Variants in GPRC5C observed in about 807,000 individuals in gnomAD.
GPRC5C encodes the protein G protein-coupled receptor family C group 5 member C.
In GPRC5C, 22 loss-of-function variants were observed where a neutral mutation model predicts 31.4. That is an observed-to-expected ratio of 0.70 (90% CI 0.50 to 1.00). The LOEUF (loss-of-function observed/expected upper bound fraction) is 1.00. Among genes scored for constraint, GPRC5C ranks in the 50% least tolerant of loss-of-function variants. The probability of loss-of-function intolerance (pLI) is 0.00; values close to 1 mark genes in which losing one functional copy is unlikely to be tolerated. For missense variants in GPRC5C, 557 were observed against 597.2 expected, an observed-to-expected ratio of 0.93 and a Z score of 0.70; for synonymous variants, 249 against 257.5, an observed-to-expected ratio of 0.97 and a Z score of 0.32.
In GPRC5C at chr17:74,443,805, C is replaced by T. The variant is rs115288232; in HGVS notation, c.1052-13C>T. The T allele has an allele frequency of 9.0e-4, 1,435 of 1,591,930 alleles. 13 individuals carry two copies. The African/African-American group carries it at 0.017, about 19-fold the overall frequency. On this transcript the variant is annotated splice_polypyrimidine_tract_variant and intron_variant, in intron 2 of 3. Coordinates refer to ENST00000392627, the MANE Select transcript of GPRC5C (RefSeq NM_022036.4). The stretch of plus-strand genomic sequence containing the variant: ...CCCTGGGATCTTCAAACTGTTCCTG[C>T]TTTTCCTTGTAGCTAAGAGGCCGGT...
At position 74,437,897 on chromosome 17, in the gene GPRC5C, A is replaced by G. The variant is rs905967843; in HGVS notation, c.-32-1848A>G. ...GAAAGCTTGGTTGCTGTTTTCCCAG[A>G]GAGTTCCTGATGAAGCTGGGTTACA... is the stretch of plus-strand genomic sequence containing the variant. On this transcript the variant is annotated intron_variant, in intron 1 of 3. Transcript: ENST00000392627. Among the ~76,000 whole-genome samples the G allele has an allele frequency of 9.2e-5, 14 of 151,998 alleles. No homozygotes were observed. In the East Asian group the frequency reaches 2.7e-3, roughly 30 times the overall value.
intron 1 of GPRC5C, among the ~76,000 whole-genome samples, chr17:74,434,427 G>C (rs148817935): frequency 2.0e-5 from 3 of 152,316 alleles, no homozygotes; most frequent in East Asian, 3.9e-4. Context: ...GTGGATTCTA[G>C]AAGTCTTGTT....
intron 2 of GPRC5C, chr17:74,443,567 C>A: frequency 1.6e-6 from 1 of 644,042 alleles, no homozygotes. Flanking sequence ...GGGGTGTCTA[C>A]AGTGCAGGGA....
intron 2 of GPRC5C, 159 bp from the exon 3 acceptor site, chr17:74,443,659 A>C (rs1446528080): frequency 9.2e-6 from 6 of 650,298 alleles, no homozygotes; most frequent in Admixed American, 4.8e-5. Flanking sequence ...TCACAACCTC[A>C]CCCCCAAGTT....
At chr17:74,448,734 C>T (rs1567966807), downstream of GPRC5C, 4 of 518,016 alleles carry the variant, frequency 7.7e-6, no homozygotes, top group South Asian at 1.5e-5. Flanking sequence ...GACTAGTATT[C>T]TATCCCTTTT....
intron 1 of GPRC5C, among the ~76,000 whole-genome samples, chr17:74,434,089 G>T (rs1235741539): frequency 6.6e-6 from 1 of 152,158 alleles, no homozygotes; most frequent in Admixed American, 6.5e-5. Context: ...GAGAGCTGGG[G>T]GCAGGGTGGC....
chr17:74,447,995 C>T (rs1247220717), downstream of GPRC5C, among the ~76,000 whole-genome samples: 3 of 152,150 alleles, frequency 2.0e-5, no homozygotes, highest in Non-Finnish European at 4.4e-5. Flanking sequence ...TGGTTGGTTT[C>T]GTTCCCGAGC....
intron 1 of GPRC5C, among the ~76,000 whole-genome samples, chr17:74,435,723 CT>C (rs2055423598): frequency 6.6e-6 from 1 of 152,204 alleles, no homozygotes; most frequent in African/African-American, 2.4e-5. Flanking sequence ...TTTCCTGACC[CT>C]AGCCCAAGTG....
At chr17:74,442,336 C>CAGGAGGCGAA in intron 2 of GPRC5C, among the ~76,000 whole-genome samples, 1 of 152,254 alleles carries the variant, frequency 6.6e-6, no homozygotes, top group Middle Eastern at 3.4e-3. Flanking sequence ...TTTGGGGTGC[C>CAGGAGGCGAA]GTGTAGTGGT....
chr17:74,440,787 C>T lies in GPRC5C; in HGVS notation c.1011C>T (p.Phe337=), dbSNP rs530047993. 3.1e-5 allele frequency: 48 copies of T among 1,536,086 alleles called. No individual in the cohort carries two copies. The South Asian group carries it at 5.3e-4, about 17-fold the overall frequency. ...AAGAGCAGAAGGGTCAGAGCATGTTCGTGGAGAACAAGGCCTTTTCCATGG... is the reference window on the plus strand; with the variant it reads ...AAGAGCAGAAGGGTCAGAGCATGTTTGTGGAGAACAAGGCCTTTTCCATGG... ...ILKEQKGQSM[F]VENKAFSMDE... The change falls in exon 2 of 4, where the codon TTC becomes TTT. Residue 337 remains phenylalanine (F), a synonymous_variant. Transcript: ENST00000392627. This position sits in a 1 kb window ranked among gnomAD's most constrained non-coding sequence, Gnocchi z 4.4.
At chr17:74,446,329 G>A (rs2055634273) in intron 3 of GPRC5C, 1 of 152,200 alleles carries the variant, frequency 6.6e-6, no homozygotes, top group African/African-American at 2.4e-5. Context: ...GCGGGCTCCT[G>A]TAGTCCCAGC....
Position 74,440,236 on chromosome 17 carries a change from TG to T in GPRC5C, c.463del (p.Val155Ter), listed in dbSNP as rs1326927414. The T allele has an allele frequency of 5.0e-6, 8 of 1,614,076 alleles. No homozygotes were observed. The highest frequency in any genetic ancestry group is 6.8e-6 in the Non-Finnish European group (8 of 1,180,032). On this transcript the variant is annotated frameshift_variant, in exon 2 of 4. Coordinates refer to ENST00000392627, the MANE Select transcript of GPRC5C (RefSeq NM_022036.4). LOFTEE classifies it high-confidence loss of function. The surrounding 1 kb of genome is among the most constrained non-coding windows in gnomAD (Gnocchi z 4.4). Reference sequence around the variant, plus strand: ...CCGGAAGAACCACGGGCCCCGGGGCTGGGTGATCTTCACTGTGGCTCTGCTG... The same window carrying T: ...CCGGAAGAACCACGGGCCCCGGGGCTGGTGATCTTCACTGTGGCTCTGCTG... The part of the protein sequence containing the change: ...LARKNHGPRG[W>X]VIFTVALLLT...
At chr17:74,436,142 A>G (rs1330686778) in intron 1 of GPRC5C, among the ~76,000 whole-genome samples, 1 of 152,206 alleles carries the variant, frequency 6.6e-6, no homozygotes, top group Non-Finnish European at 1.5e-5. Context: ...CCACCCCTGT[A>G]GCATTTCCAA....
Position 74,443,942 on chromosome 17 carries a change from C to T in GPRC5C, c.1146+30C>T, listed in dbSNP as rs368431272. 2.7e-4 allele frequency: 393 copies of T among 1,446,278 alleles called. 1 individual carries two copies. The highest frequency in any genetic ancestry group is 8.4e-5 in the Admixed American group (5 of 59,220). The allele number at this position is 1,446,278 out of a possible 1,614,324, so 89.6% of individuals were successfully genotyped here. On this transcript the variant is annotated intron_variant, in intron 3 of 3. Transcript: ENST00000392627. ...GTGGGTTCCCCAGGTCCCCGTGACA[C>T]GTCTGGGCTACAGAGACCAGCCTCA...
rs1460053341 is a variant in GPRC5C, at chr17:74,432,116, A to C, written c.-58A>C. Reference sequence around the variant, plus strand: ...AACTCCCATCTCCCTCACCAGCCGGAAAGTACGAGTCGGCTCAGCCTGGAG... The same window carrying C: ...AACTCCCATCTCCCTCACCAGCCGGCAAGTACGAGTCGGCTCAGCCTGGAG... On this transcript the variant is annotated 5_prime_UTR_variant, in exon 1 of 4. Transcript: ENST00000392627. 2.5e-6 allele frequency: 4 copies of C among 1,613,318 alleles called. No individual in the cohort carries two copies. The highest frequency in any genetic ancestry group is 2.7e-5 in the African/African-American group (2 of 74,940).
Position 74,440,539 on chromosome 17 carries a change from A to G in GPRC5C, c.763A>G (p.Ile255Val). Residue 255 changes from isoleucine (I) to valine (V), a missense_variant, in exon 2 of 4, where the codon ATA (isoleucine) becomes GTA (valine). Physicochemically the swap from Ile to Val is conservative, Grantham distance 29. Coordinates refer to ENST00000392627, the MANE Select transcript of GPRC5C (RefSeq NM_022036.4). The surrounding 1 kb of genome is among the most constrained non-coding windows in gnomAD (Gnocchi z 4.4). Reference protein sequence around the residue: ...VLLTTATSVAIWVVWIVMYTY... With the variant: ...VLLTTATSVAVWVVWIVMYTY... ...CCTCACCACAGCCACCTCCGTTGCC[A>G]TATGGGTGGTGTGGATCGTCATGTA... The G allele has an allele frequency of 6.2e-7, 1 of 1,614,188 alleles. No homozygotes were observed. Among genetic ancestry groups the G allele is most frequent in the South Asian group, 1.1e-5 (1 of 91,082 alleles).
downstream of GPRC5C, chr17:74,449,700 G>GTTC (rs10665430): frequency 0.95 from 212,690 of 224,260 alleles, 101,066 homozygotes; most frequent in East Asian, 1. Flanking sequence ...CCAAGCTGTG[G>GTTC]TTCAGATTGC....
chr17:74,435,886 T>C (rs1050509406), intron 1 of GPRC5C, among the ~76,000 whole-genome samples: 3 of 152,204 alleles, frequency 2.0e-5, no homozygotes, highest in Non-Finnish European at 4.4e-5. Context: ...AGTATCCTTT[T>C]CCCCCACCTC....
intron 2 of GPRC5C, among the ~76,000 whole-genome samples, chr17:74,441,104 G>T (rs537319669): frequency 6.6e-6 from 1 of 151,740 alleles, no homozygotes; most frequent in African/African-American, 2.4e-5. Flanking sequence ...GTGAAACCCC[G>T]TCTCTACTAG....
Sources: gnomAD v4.1 joint callset for allele counts (sites outside exome capture counted in the v4.1 genomes callset) on GRCh38, gnomAD v4.1.1 for gene constraint, Gnocchi (gnomAD v3.1) non-coding constraint, MANE v1.5 for transcripts, NCBI Gene and HGNC (gene_info 2026-07-23, HGNC 2026-07-21) for gene names.